The following VRK2 variants were observed in gnomAD, a reference collection of about 807,000 sequenced individuals.
The protein encoded by VRK2 is serine/threonine-protein kinase VRK2.
Under a neutral mutation model 57.6 loss-of-function variants are expected in VRK2, and 60 were observed. The ratio of observed to expected loss-of-function variants is 1.04; its 90% confidence interval spans 0.85 to 1.29. The LOEUF (loss-of-function observed/expected upper bound fraction) is 1.29, where lower values mean the gene tolerates loss of function less well. Among genes scored for constraint, VRK2 ranks in the 50% most tolerant of loss-of-function variants. VRK2 has a pLI of 0.00. For missense variants in VRK2, 705 were observed against 588.1 expected (o/e 1.20, Z -2.06); for synonymous variants, 231 against 199.2 (o/e 1.16, Z -1.35).
At chr2:58,088,107 A>G (rs1671886762) in intron 5 of VRK2, among the ~76,000 whole-genome samples, 1 of 152,258 alleles carries the variant, frequency 6.6e-6, no homozygotes. Flanking sequence ...TATGTAAAAC[A>G]GTGTGAATGG....
upstream of VRK2, among the ~76,000 whole-genome samples, chr2:58,043,428 AT>A (rs1572821735): frequency 6.6e-6 from 1 of 152,316 alleles, no homozygotes; most frequent in East Asian, 1.9e-4. Context: ...GAAATTTAAC[AT>A]TTGCAACGTT....
At chr2:57,952,626 A>C (rs1042598285) in intron 1 of VRK2, among the ~76,000 whole-genome samples, 2 of 152,282 alleles carry the variant, frequency 1.3e-5, no homozygotes, top group African/African-American at 4.8e-5. Context: ...ACACACATAA[A>C]AGTGAATTAA....
intron 1 of VRK2, among the ~76,000 whole-genome samples, chr2:57,947,950 A>G (rs1247769099): frequency 6.6e-6 from 1 of 152,180 alleles, no homozygotes; most frequent in Non-Finnish European, 1.5e-5. Context: ...ATAAATAAGC[A>G]TTGCTGAGCC....
rs1301366425 is a variant in VRK2, at chr2:58,159,475, A to T, written c.1309A>T (p.Thr437Ser). ...ATTTTATGAGCCTCATCAAGATTTTACCAGTCCAGATATATTCAAGAAGTC... is the reference window on the plus strand; with the variant it reads ...ATTTTATGAGCCTCATCAAGATTTTTCCAGTCCAGATATATTCAAGAAGTC... ...NSFYEPHQDF[T>S]SPDIFKKSRS... is the part of the protein sequence containing the mutation. Residue 437 changes from threonine (T) to serine (S), a missense_variant, in exon 13 of 13, where the codon ACC (threonine) becomes TCC (serine). Transcript: ENST00000340157. 7.4e-6 allele frequency: 12 copies of T among 1,613,624 alleles called. No individual in the cohort carries two copies. The highest frequency in any genetic ancestry group is 1.0e-5 in the Non-Finnish European group (12 of 1,179,766).
At chr2:58,053,197 C>G (rs187193317) in intron 2 of VRK2, among the ~76,000 whole-genome samples, 1 of 152,164 alleles carries the variant, frequency 6.6e-6, no homozygotes, top group South Asian at 2.1e-4. Flanking sequence ...AGACAAGGCA[C>G]CTATCATGAC....
intron 1 of VRK2, among the ~76,000 whole-genome samples, chr2:57,973,393 G>A (rs1219436101): frequency 6.6e-6 from 1 of 151,820 alleles, no homozygotes; most frequent in Non-Finnish European, 1.5e-5. Flanking sequence ...ATAAGAAACA[G>A]ATTATAATAC....
At chr2:57,938,464 T>C (rs1670987980) in intron 1 of VRK2, among the ~76,000 whole-genome samples, 1 of 149,032 alleles carries the variant, frequency 6.7e-6, no homozygotes, top group Admixed American at 6.7e-5. Flanking sequence ...TACAAGGTGA[T>C]AGGAGATTTA....
intron 7 of VRK2, among the ~76,000 whole-genome samples, chr2:58,092,256 G>A (rs1291938141): frequency 6.6e-6 from 1 of 152,108 alleles, no homozygotes; most frequent in Non-Finnish European, 1.5e-5. Flanking sequence ...TTCAGGAATG[G>A]TATATAAGTG....
chr2:58,074,695 C>A (rs1669843335), intron 2 of VRK2, among the ~76,000 whole-genome samples: 1 of 152,000 alleles, frequency 6.6e-6, no homozygotes, highest in Admixed American at 6.6e-5. Context: ...ATTTTACCTT[C>A]ATTTATTTCC....
intron 7 of VRK2, among the ~76,000 whole-genome samples, chr2:58,113,650 G>T (rs183004503): frequency 1.3e-5 from 2 of 152,134 alleles, no homozygotes; most frequent in South Asian, 4.1e-4. Flanking sequence ...GGTGCTCAGT[G>T]GGGGAGCTTC....
chr2:58,050,647 A>G (rs1334249317), intron 2 of VRK2, among the ~76,000 whole-genome samples: 1 of 152,218 alleles, frequency 6.6e-6, no homozygotes, highest in Non-Finnish European at 1.5e-5. Context: ...TGTAAATATT[A>G]TATGTATTTA....
chr2:57,934,739 T>C (rs192087421), intron 1 of VRK2, among the ~76,000 whole-genome samples: 9 of 152,284 alleles, frequency 5.9e-5, no homozygotes, highest in Admixed American at 5.9e-4. Flanking sequence ...ATACCTCCCA[T>C]AGCCTTTCTT....
chr2:58,015,374 C>T lies in VRK2; in HGVS notation c.-438-10291C>T, dbSNP rs1170112267. 2.6e-5 allele frequency among the ~76,000 whole-genome samples: 4 copies of T among 152,094 alleles called. No homozygotes were observed. The East Asian group carries it at 7.7e-4, about 29-fold the overall frequency. On this transcript the variant is annotated intron_variant, in intron 1 of 15. Transcript: ENST00000417641. ...AGTCAAGCATGCTTGGCTATGAATC[C>T]TGGCCTTACTATTTCCTGGCTGTGG...
intron 1 of VRK2, among the ~76,000 whole-genome samples, chr2:57,964,492 T>A (rs1158308985): frequency 6.6e-6 from 1 of 151,964 alleles, no homozygotes; most frequent in Non-Finnish European, 1.5e-5. Flanking sequence ...GCAGGCACAC[T>A]CACAGCAATT....
Position 58,117,529 on chromosome 2 carries a change from T to C in VRK2, c.544-5572T>C, listed in dbSNP as rs903333806. Among the ~76,000 whole-genome samples the C allele has an allele frequency of 3.9e-5, 6 of 152,126 alleles. No homozygotes were observed. The East Asian group carries it at 1.2e-3, about 29-fold the overall frequency. ...ACTCAGCGACGCTTGGGGTTGGGACTGAGGGGACAGGCGGGAGGGAAAGAA... is the reference window on the plus strand; with the variant it reads ...ACTCAGCGACGCTTGGGGTTGGGACCGAGGGGACAGGCGGGAGGGAAAGAA... On this transcript the variant is annotated intron_variant, in intron 7 of 12. Coordinates refer to ENST00000340157, the MANE Select transcript of VRK2 (RefSeq NM_006296.7).
intron 1 of VRK2, among the ~76,000 whole-genome samples, chr2:57,931,032 G>A (rs1670706563): frequency 6.6e-6 from 1 of 151,878 alleles, no homozygotes. Flanking sequence ...ATATATTCAT[G>A]TCCACTCATC....
intron 7 of VRK2, among the ~76,000 whole-genome samples, chr2:58,101,237 G>C (rs957049552): frequency 6.6e-5 from 10 of 151,630 alleles, no homozygotes; most frequent in African/African-American, 2.4e-4. Context: ...GCAGAACAAT[G>C]TGATTTTTTC....
intron 2 of VRK2, among the ~76,000 whole-genome samples, chr2:58,078,413 G>C (rs1457417683): frequency 3.3e-5 from 5 of 151,988 alleles, no homozygotes; most frequent in Non-Finnish European, 7.4e-5. Context: ...TGGCCATTTG[G>C]GTTGCTTCTA....
At chr2:58,083,561 C>G (rs952366263) in intron 2 of VRK2, among the ~76,000 whole-genome samples, 4 of 151,678 alleles carry the variant, frequency 2.6e-5, no homozygotes, top group African/African-American at 9.7e-5. Flanking sequence ...TTTTTAAAGA[C>G]TTTATTCTCA....
Sources: allele counts gnomAD v4.1 joint callset (sites outside exome capture counted in the v4.1 genomes callset), GRCh38; gene constraint gnomAD v4.1.1; transcripts MANE v1.5; gene names NCBI Gene and HGNC (gene_info 2026-07-23, HGNC 2026-07-21).